KPNB1: variants seen among roughly 807,000 people sequenced by gnomAD.
The protein encoded by KPNB1 is karyopherin subunit beta 1, also known as importin subunit beta-1.
In KPNB1, 7 loss-of-function variants were observed where a neutral mutation model predicts 113.0. That is an observed-to-expected ratio of 0.06 (90% CI 0.04 to 0.12). The LOEUF is 0.12. KPNB1 is among the 10% of genes least tolerant of loss of function. The pLI is 1.00. For missense variants in KPNB1, 400 were observed against 1,054.8 expected (o/e 0.38, Z 8.60); for synonymous variants, 363 against 378.6 (o/e 0.96, Z 0.48).
chr17:47,654,169 C>G (rs1225518221), intron 3 of KPNB1, among the ~76,000 whole-genome samples: 7 of 152,144 alleles, frequency 4.6e-5, no homozygotes. Flanking sequence ...CATCCCAGCA[C>G]TTTGAGAGGC....
intron 12 of KPNB1, 38 bp downstream of exon 12, chr17:47,670,870 ATCCAAGTT>A: frequency 6.4e-7 from 1 of 1,571,186 alleles, no homozygotes; most frequent in Non-Finnish European, 8.7e-7. Flanking sequence ...ACGTCTTTGC[ATCCAAGTT>A]CTATTGCCTT....
rs763063261 is a variant in KPNB1, at chr17:47,678,084, G to C, written c.2142G>C (p.Leu714=). ...NVHRSVKPQI[L]SVFGDIALAI... is the part of the protein sequence containing the mutation. The stretch of plus-strand genomic sequence containing the variant: ...ACAGGTCTGTGAAGCCGCAGATTCT[G>C]TCAGTGTTTGGTGATATTGCCCTTG... The change falls in exon 18 of 22, where the codon CTG becomes CTC. Residue 714 remains leucine (L), a synonymous_variant. Coordinates refer to ENST00000290158, the MANE Select transcript of KPNB1 (RefSeq NM_002265.6). The C allele has an allele frequency of 6.2e-7, 1 of 1,614,158 alleles. No individual in the cohort carries two copies. The highest frequency in any genetic ancestry group is 1.7e-5 in the Admixed American group (1 of 60,026).
rs2030837091 is a variant in KPNB1, at chr17:47,683,107, A to AAC, written c.*704_*705insCA. 1 of 147,450 alleles carries AAC rather than the reference A, an allele frequency of 6.8e-6. No individual in the cohort carries two copies. Among genetic ancestry groups the AAC allele is most frequent in the Non-Finnish European group, 1.5e-5 (1 of 66,834 alleles). 9.1% of individuals were successfully genotyped at this position (147,450 alleles called of 1,614,324 possible). A position where few individuals can be genotyped will look rare whatever the true frequency, so the allele number is the denominator to read the frequency against. ...AAGAGATGTAAAAAAAAAAAAAAAA[A>AAC]AAAAAAAAAAAACACACACACAGAG... On this transcript the variant is annotated 3_prime_UTR_variant, in exon 22 of 22. Coordinates refer to ENST00000290158, the MANE Select transcript of KPNB1 (RefSeq NM_002265.6).
At chr17:47,677,809 T>C (rs1379963852) in intron 17 of KPNB1, among the ~76,000 whole-genome samples, 1 of 152,216 alleles carries the variant, frequency 6.6e-6, no homozygotes, top group Non-Finnish European at 1.5e-5. Context: ...TACATGTGTG[T>C]TCTCAGACAA....
At position 47,650,298 on chromosome 17, in the gene KPNB1, G is replaced by A. The variant is rs779319133; in HGVS notation, c.40+14G>A. 8 of 1,606,232 alleles carry A rather than the reference G, an allele frequency of 5.0e-6. No homozygotes were observed. Among genetic ancestry groups the A allele is most frequent in the South Asian group, 4.4e-5 (4 of 90,694 alleles). ...CCGTGTCTCCCGGTAGGACGCAGGA[G>A]CCGGGGGTAGGGCTGAGGTGATTGG... is the stretch of plus-strand genomic sequence containing the variant. On this transcript the variant is annotated intron_variant, in intron 1 of 21. Transcript: ENST00000290158.
At chr17:47,662,983 A>G (rs1461860565) in intron 6 of KPNB1, 106 bp from the exon 7 acceptor site, 1 of 751,880 alleles carries the variant, frequency 1.3e-6, no homozygotes, top group African/African-American at 1.7e-5. Context: ...CGTATCCCAT[A>G]TTTACCTCAA....
intron 5 of KPNB1, among the ~76,000 whole-genome samples, chr17:47,660,605 AT>A (rs2030064331): frequency 6.6e-6 from 1 of 152,226 alleles, no homozygotes; most frequent in Admixed American, 6.5e-5. Context: ...ATTCTAATTG[AT>A]TAGAAAACTG....
intron 3 of KPNB1, among the ~76,000 whole-genome samples, chr17:47,656,543 C>CTTTT (rs35834634): frequency 6.2e-5 from 9 of 145,486 alleles, no homozygotes; most frequent in Admixed American, 4.1e-4. Context: ...TTGTATTTTC[C>CTTTT]TTTTTTTTTT....
Position 47,652,600 on chromosome 17 carries a change from G to A in KPNB1, c.100-94G>A, listed in dbSNP as rs1915611871. 1.1e-5 allele frequency: 11 copies of A among 959,288 alleles called. No individual in the cohort carries two copies. The South Asian group carries it at 1.6e-4, about 14-fold the overall frequency. The allele number at this position is 959,288 out of a possible 1,614,324, so 59.4% of individuals were successfully genotyped here. ...AAATTAGACATTAGTTCCCCCCCTC[G>A]CCGCCCCTCTGGTGGTTCAGTGCTC... is the stretch of plus-strand genomic sequence containing the variant. On this transcript the variant is annotated intron_variant, in intron 2 of 21. Coordinates refer to ENST00000290158, the MANE Select transcript of KPNB1 (RefSeq NM_002265.6).
intron 19 of KPNB1, chr17:47,679,798 G>A (rs1426771021): frequency 1.3e-5 from 5 of 374,534 alleles, no homozygotes; most frequent in Admixed American, 4.2e-5. Context: ...CTGGGTTCAC[G>A]CCATTTTCCT....
chr17:47,682,701 A>C lies in KPNB1; in HGVS notation c.*297A>C, dbSNP rs777106296. On this transcript the variant is annotated 3_prime_UTR_variant, in exon 22 of 22. Transcript: ENST00000290158. ...TATTTAAAAAAAAAGAAAGAAAGTT[A>C]TCTCTTCCCAGGAGAGGCTAGAAGT... The C allele has an allele frequency of 3.3e-5, 15 of 451,730 alleles. No homozygotes were observed. The highest frequency in any genetic ancestry group is 8.1e-5 in the African/African-American group (4 of 49,586). The allele number at this position is 451,730 out of a possible 1,614,324, so 28.0% of individuals were successfully genotyped here. A position where few individuals can be genotyped will look rare whatever the true frequency, so the allele number is the denominator to read the frequency against.
intron 3 of KPNB1, 62 bp from the exon 4 acceptor site, chr17:47,656,798 T>A: frequency 6.6e-7 from 1 of 1,514,440 alleles, no homozygotes; most frequent in Admixed American, 1.7e-5. Context: ...AGTATGGTGG[T>A]GGGCAAAATG....
At chr17:47,667,580 CAG>C (rs924490691) in intron 9 of KPNB1, among the ~76,000 whole-genome samples, 2 of 148,112 alleles carry the variant, frequency 1.4e-5, no homozygotes, top group East Asian at 2.0e-4. Flanking sequence ...TTTTTTCTGA[CAG>C]AGTCTCACTC....
chr17:47,652,603 G>A (rs916474392), intron 2 of KPNB1, 91 bp from the exon 3 acceptor site: 35 of 999,006 alleles, frequency 3.5e-5, no homozygotes, highest in South Asian at 3.1e-4. Context: ...CCCCCTCGCC[G>A]CCCCTCTGGT....
rs574434654 is a variant in KPNB1, at chr17:47,675,377, T to G, written c.1912+595T>G. On this transcript the variant is annotated intron_variant, in intron 15 of 21. Coordinates refer to ENST00000290158, the MANE Select transcript of KPNB1 (RefSeq NM_002265.6). ...AGAGGTGTTGTTTTTTTTTTGTTTT[T>G]TTTTTTTGTTTGTTTTTTTTTTGAG... Among the ~76,000 whole-genome samples the G allele has an allele frequency of 3.2e-3, 378 of 116,670 alleles. 21 individuals carry two copies. The highest frequency in any genetic ancestry group is 0.015 in the African/African-American group (366 of 24,962). The allele number at this position is 116,670 out of a possible 152,430, so 76.5% of individuals were successfully genotyped here.
At chr17:47,667,983 A>G (rs930997608) in intron 9 of KPNB1, among the ~76,000 whole-genome samples, 1 of 152,224 alleles carries the variant, frequency 6.6e-6, no homozygotes, top group African/African-American at 2.4e-5. Flanking sequence ...GTGTAGTACT[A>G]AATGGAATCT....
chr17:47,660,384 T>A lies in KPNB1; in HGVS notation c.637-735T>A, dbSNP rs140250293. ...CATGGCCATTTGGTTTGCATCCACC[T>A]TTTGGCTATTGTGGGTAATGCTGCT... is the stretch of plus-strand genomic sequence containing the variant. On this transcript the variant is annotated intron_variant, in intron 5 of 21. Transcript: ENST00000290158. Among the ~76,000 whole-genome samples the A allele has an allele frequency of 3.3e-5, 5 of 152,344 alleles. No individual in the cohort carries two copies. In the East Asian group the frequency reaches 9.6e-4, roughly 29 times the overall value.
intron 7 of KPNB1, 67 bp downstream of exon 7, chr17:47,663,245 A>G (rs766032898): frequency 4.0e-5 from 34 of 840,856 alleles, no homozygotes; most frequent in Non-Finnish European, 7.0e-5. Flanking sequence ...CTTAGTCGCT[A>G]TTTTGCCAAT....
chr17:47,668,989 A>G (rs1273353787), intron 10 of KPNB1, among the ~76,000 whole-genome samples: 3 of 145,814 alleles, frequency 2.1e-5, no homozygotes, highest in Non-Finnish European at 3.0e-5. Context: ...AGAGTTTGTT[A>G]TAGTTGAGTT....
Sources: allele counts gnomAD v4.1 joint callset (sites outside exome capture counted in the v4.1 genomes callset), GRCh38; gene constraint gnomAD v4.1.1; transcripts MANE v1.5; gene names NCBI Gene and HGNC (gene_info 2026-07-23, HGNC 2026-07-21).